The following GPC5 variants were observed in gnomAD, a reference collection of about 807,000 sequenced individuals.
The protein encoded by GPC5 is glypican-5.
GPC5 carries 47 observed loss-of-function variants against 53.9 expected under a neutral mutation model. That is an observed-to-expected ratio of 0.87 (90% CI 0.69 to 1.11). GPC5 has a LOEUF of 1.11. Among genes scored for constraint, GPC5 ranks in the 50% most tolerant of loss-of-function variants. GPC5 has a pLI of 0.00. For missense variants in GPC5, 748 were observed against 713.1 expected, an observed-to-expected ratio of 1.05 and a Z score of -0.56; for synonymous variants, 286 against 263.3, an observed-to-expected ratio of 1.09 and a Z score of -0.84.
At chr13:92,623,105 G>A (rs1337140931) in intron 7 of GPC5, among the ~76,000 whole-genome samples, 7 of 151,918 alleles carry the variant, frequency 4.6e-5, no homozygotes, top group Non-Finnish European at 1.5e-5. Context: ...GGCGGGGGTT[G>A]CAGTGAGCTG....
intron 7 of GPC5, among the ~76,000 whole-genome samples, chr13:92,502,130 A>G (rs1366906324): frequency 5.9e-5 from 9 of 152,124 alleles, no homozygotes; most frequent in Admixed American, 5.9e-4. Context: ...TAAAATACCA[A>G]TTCTGAATAG....
At chr13:91,633,942 T>G (rs1352720241) in intron 2 of GPC5, among the ~76,000 whole-genome samples, 1 of 152,104 alleles carries the variant, frequency 6.6e-6, no homozygotes, top group Non-Finnish European at 1.5e-5. Flanking sequence ...CAGATATAAT[T>G]AGCAAGTTCA....
intron 7 of GPC5, among the ~76,000 whole-genome samples, chr13:92,522,429 T>C (rs1881095185): frequency 6.6e-6 from 1 of 152,172 alleles, no homozygotes; most frequent in Admixed American, 6.5e-5. Flanking sequence ...CATGGAATAC[T>C]ATGCAGCCAT....
chr13:91,752,939 A>G (rs1460847026), intron 4 of GPC5, among the ~76,000 whole-genome samples: 1 of 152,204 alleles, frequency 6.6e-6, no homozygotes, highest in Non-Finnish European at 1.5e-5. Flanking sequence ...TACACCTAGT[A>G]AATTTGAAAG....
intron 7 of GPC5, among the ~76,000 whole-genome samples, chr13:92,665,524 A>G (rs1340174771): frequency 6.6e-6 from 1 of 152,116 alleles, no homozygotes; most frequent in Admixed American, 6.5e-5. Context: ...CTCGGCCATT[A>G]TTTCTGCTTT....
intron 2 of GPC5, among the ~76,000 whole-genome samples, chr13:91,497,088 T>C (rs1408998513): frequency 6.6e-6 from 1 of 152,170 alleles, no homozygotes; most frequent in Non-Finnish European, 1.5e-5. Context: ...TTTTTAAAGA[T>C]ATTTAAAACA....
intron 7 of GPC5, among the ~76,000 whole-genome samples, chr13:92,728,513 A>T (rs1888708152): frequency 6.6e-6 from 1 of 151,510 alleles, no homozygotes; most frequent in Admixed American, 6.6e-5. Context: ...AAATTTCAGA[A>T]CGCATCCAAC....
intron 7 of GPC5, among the ~76,000 whole-genome samples, chr13:92,471,492 G>A (rs1040457352): frequency 1.3e-5 from 2 of 151,632 alleles, no homozygotes; most frequent in African/African-American, 4.9e-5. Flanking sequence ...AAGCCATCCA[G>A]GCTAGAACCC....
At chr13:91,404,934 T>C (rs956590815) in intron 1 of GPC5, among the ~76,000 whole-genome samples, 1 of 152,248 alleles carries the variant, frequency 6.6e-6, no homozygotes, top group Non-Finnish European at 1.5e-5. Flanking sequence ...TTGAAAAACA[T>C]GGCTTTTCCA....
intron 2 of GPC5, among the ~76,000 whole-genome samples, chr13:91,464,447 T>C (rs567448343): frequency 6.6e-6 from 1 of 152,270 alleles, no homozygotes; most frequent in Non-Finnish European, 1.5e-5. Context: ...GCTTTATTTG[T>C]AGTAGCCCCA....
At chr13:91,876,423 C>T (rs1233091952) in intron 5 of GPC5, among the ~76,000 whole-genome samples, 2 of 152,132 alleles carry the variant, frequency 1.3e-5, no homozygotes. Context: ...ACAGTAAAAT[C>T]CAGGCTGAGG....
At chr13:92,617,789 TATACTC>T (rs1252343646) in intron 7 of GPC5, among the ~76,000 whole-genome samples, 3 of 152,200 alleles carry the variant, frequency 2.0e-5, no homozygotes, top group East Asian at 1.9e-4. Context: ...TTACAAAATT[TATACTC>T]ATACTATAGG....
At chr13:91,415,202 G>A (rs1199470736) in intron 1 of GPC5, among the ~76,000 whole-genome samples, 1 of 152,094 alleles carries the variant, frequency 6.6e-6, no homozygotes, top group Non-Finnish European at 1.5e-5. Flanking sequence ...GAGCAACTTT[G>A]AGGGACGGTC....
intron 6 of GPC5, among the ~76,000 whole-genome samples, chr13:91,981,480 T>G (rs747359393): frequency 2.0e-5 from 3 of 152,092 alleles, no homozygotes; most frequent in Non-Finnish European, 2.9e-5. Flanking sequence ...TAGTACAGAC[T>G]GGGTTTCACC....
In GPC5 at chr13:91,489,845, C is replaced by T. The variant is rs150205663; in HGVS notation, c.325+40923C>T. 1.6e-3 allele frequency among the ~76,000 whole-genome samples: 242 copies of T among 152,176 alleles called. 1 individual carries two copies. Among genetic ancestry groups the T allele is most frequent in the African/African-American group, 5.6e-3 (234 of 41,506 alleles). ...GTTACTGTTATCAATTTAATTGTCT[C>T]AGAGTAGGGAAATAAGCAAATTAGA... is the stretch of plus-strand genomic sequence containing the variant. On this transcript the variant is annotated intron_variant, in intron 2 of 7. Transcript: ENST00000377067.
At chr13:91,915,526 T>C (rs1272853929) in intron 6 of GPC5, among the ~76,000 whole-genome samples, 1 of 152,186 alleles carries the variant, frequency 6.6e-6, no homozygotes, top group Admixed American at 6.5e-5. Context: ...TTTTCATTTA[T>C]GTGGATGCTG....
chr13:92,197,603 T>G (rs1298579157), intron 7 of GPC5, among the ~76,000 whole-genome samples: 1 of 151,610 alleles, frequency 6.6e-6, no homozygotes, highest in Admixed American at 6.6e-5. Context: ...GCTCAAGAGA[T>G]CCTCCCATCT....
chr13:92,237,531 T>A (rs2042579413), intron 7 of GPC5, among the ~76,000 whole-genome samples: 1 of 152,172 alleles, frequency 6.6e-6, no homozygotes, highest in South Asian at 2.1e-4. Flanking sequence ...CTTGTGTTTT[T>A]AAATTTTCCA....
intron 6 of GPC5, among the ~76,000 whole-genome samples, chr13:91,967,327 G>A (rs1175101449): frequency 6.6e-6 from 1 of 152,088 alleles, no homozygotes; most frequent in Non-Finnish European, 1.5e-5. Context: ...TAAGATTTGG[G>A]TGGTGACACA....
Sources: allele counts gnomAD v4.1 joint callset (sites outside exome capture counted in the v4.1 genomes callset), GRCh38; gene constraint gnomAD v4.1.1; transcripts MANE v1.5; gene names NCBI Gene and HGNC (gene_info 2026-07-23, HGNC 2026-07-21).